The following PCDHA9 variants were observed in gnomAD, a reference collection of about 807,000 sequenced individuals.
PCDHA9 encodes the protein protocadherin alpha-9.
Under a neutral mutation model 62.0 loss-of-function variants are expected in PCDHA9, and 62 were observed. The ratio of observed to expected loss-of-function variants is 1.00; its 90% CI spans 0.81 to 1.23. The LOEUF is 1.23. PCDHA9 is among the 50% of genes most tolerant of loss of function. The pLI, the probability that PCDHA9 is intolerant of heterozygous loss-of-function variation, is 0.00. For synonymous variants in PCDHA9, 557 were observed against 567.6 expected, an observed-to-expected ratio of 0.98 and a Z score of 0.27; for missense variants, 1,205 against 1,249.8, an observed-to-expected ratio of 0.96 and a Z score of 0.54.
At chr5:140,888,994 T>G (rs1486471421) in intron 1 of PCDHA9, among the ~76,000 whole-genome samples, 1 of 152,272 alleles carries the variant, frequency 6.6e-6, no homozygotes, top group African/African-American at 2.4e-5. Context: ...TATGATTTTC[T>G]TATGGCAAAC....
chr5:140,855,049 C>G (rs188702829), intron 1 of PCDHA9, among the ~76,000 whole-genome samples: 3 of 149,820 alleles, frequency 2.0e-5, no homozygotes, highest in South Asian at 2.1e-4. Context: ...TGTAATAGTA[C>G]TTTTCTGTTT....
intron 1 of PCDHA9, chr5:140,869,945 T>TC: frequency 6.2e-7 from 1 of 1,612,376 alleles, no homozygotes. Context: ...ACATACTCCT[T>TC]AATGTCAATT....
chr5:140,903,966 T>A (rs568850758), intron 1 of PCDHA9, among the ~76,000 whole-genome samples: 1 of 152,360 alleles, frequency 6.6e-6, no homozygotes, highest in Admixed American at 6.5e-5. Context: ...TTTGTTGATT[T>A]TTGGTCTATT....
chr5:140,887,838 T>C (rs1434293324), intron 1 of PCDHA9, among the ~76,000 whole-genome samples: 1 of 152,210 alleles, frequency 6.6e-6, no homozygotes. Context: ...TGAATATCTT[T>C]TATTGACATA....
chr5:140,955,696 A>G (rs373393526), intron 1 of PCDHA9, among the ~76,000 whole-genome samples: 6 of 152,184 alleles, frequency 3.9e-5, no homozygotes, highest in East Asian at 1.9e-4. Flanking sequence ...GATGAATGTC[A>G]ATGGAAGTTT....
intron 1 of PCDHA9, among the ~76,000 whole-genome samples, chr5:140,943,312 A>G (rs1229555554): frequency 1.3e-5 from 2 of 150,890 alleles, no homozygotes; most frequent in African/African-American, 2.4e-5. Context: ...AGTCATTATT[A>G]GCAATATTGT....
intron 1 of PCDHA9, among the ~76,000 whole-genome samples, chr5:140,952,668 T>C (rs960968372): frequency 6.6e-6 from 1 of 152,234 alleles, no homozygotes. Context: ...CAAAGTCACT[T>C]TCACATTTTC....
chr5:140,986,195 A>C (rs1200850544), intron 3 of PCDHA9, among the ~76,000 whole-genome samples: 1 of 152,196 alleles, frequency 6.6e-6, no homozygotes, highest in African/African-American at 2.4e-5. Context: ...TAAATTGGTT[A>C]ATCCTGATTA....
intron 1 of PCDHA9, chr5:140,928,710 T>C (rs1370353227): frequency 3.7e-6 from 6 of 1,614,192 alleles, no homozygotes; most frequent in Non-Finnish European, 5.1e-6. Context: ...CGTCTGACTC[T>C]AGTCTCTTTA....
chr5:140,881,230 G>A (rs1467821983), intron 1 of PCDHA9: 2 of 301,850 alleles, frequency 6.6e-6, no homozygotes, highest in Non-Finnish European at 9.8e-6. Flanking sequence ...GAAAATTAAA[G>A]TCAATTTAAA....
intron 1 of PCDHA9, among the ~76,000 whole-genome samples, chr5:140,912,146 T>G (rs1248730371): frequency 6.6e-6 from 1 of 152,202 alleles, no homozygotes; most frequent in Admixed American, 6.5e-5. Flanking sequence ...CATGTTCTTC[T>G]GCCTGTTTTT....
At chr5:140,852,576 T>G in intron 1 of PCDHA9, 1 of 821,650 alleles carries the variant, frequency 1.2e-6, no homozygotes, top group Non-Finnish European at 1.5e-6. Flanking sequence ...GTGCCAAGGC[T>G]TTTTTATTTT....
At chr5:140,868,823 G>A (rs576498570) in intron 1 of PCDHA9, 4 of 397,532 alleles carry the variant, frequency 1.0e-5, no homozygotes, top group South Asian at 6.7e-5. Context: ...ATATTTGGGG[G>A]AAGAAACCCA....
At chr5:140,939,894 T>A (rs1554213013) in intron 1 of PCDHA9, among the ~76,000 whole-genome samples, 1 of 152,220 alleles carries the variant, frequency 6.6e-6, no homozygotes, top group African/African-American at 2.4e-5. Flanking sequence ...TGTTCAAATA[T>A]TCTGCATTCT....
intron 2 of PCDHA9, among the ~76,000 whole-genome samples, chr5:140,981,654 A>ATTTCTTCCTTCC (rs563193906): frequency 2.0e-5 from 3 of 152,026 alleles, no homozygotes; most frequent in Non-Finnish European, 2.9e-5. Context: ...GATCCCACTT[A>ATTTCTTCCTTCC]TTTCTTCCTT....
At chr5:140,994,288 C>G (rs2097610720) in intron 3 of PCDHA9, among the ~76,000 whole-genome samples, 4 of 152,150 alleles carry the variant, frequency 2.6e-5, no homozygotes, top group Admixed American at 6.5e-5. Flanking sequence ...TGAGACAGTC[C>G]CCAGATTGTT....
intron 1 of PCDHA9, among the ~76,000 whole-genome samples, chr5:140,892,327 C>T (rs1399330185): frequency 6.6e-6 from 1 of 152,154 alleles, no homozygotes; most frequent in Non-Finnish European, 1.5e-5. Flanking sequence ...TTTCTTTCTC[C>T]AGAATGGATT....
At chr5:140,866,122 C>T (rs556292123) in intron 1 of PCDHA9, 1 of 152,178 alleles carries the variant, frequency 6.6e-6, no homozygotes, top group East Asian at 1.9e-4. Flanking sequence ...CTTATAAGAA[C>T]TACGTATCTG....
At chr5:140,863,829 T>A (rs2048195193) in intron 1 of PCDHA9, 1 of 199,822 alleles carries the variant, frequency 5.0e-6, no homozygotes, top group East Asian at 1.2e-4. Flanking sequence ...TGAAACTCCA[T>A]CTCTACTAAA....
Sources: allele counts gnomAD v4.1 joint callset (sites outside exome capture counted in the v4.1 genomes callset), GRCh38; gene constraint gnomAD v4.1.1; transcripts MANE v1.5; gene names NCBI Gene and HGNC (gene_info 2026-07-23, HGNC 2026-07-21).